The following SCN11A variants were observed in gnomAD, a reference collection of about 807,000 sequenced individuals.
SCN11A encodes sodium voltage-gated channel alpha subunit 11.
In SCN11A, 122 loss-of-function variants were observed where a neutral mutation model predicts 162.2. The observed-to-expected ratio is 0.75, with a 90% CI of 0.65 to 0.87. The LOEUF (loss-of-function observed/expected upper bound fraction) is 0.87, where lower values mean the gene tolerates loss of function less well. SCN11A is among the 40% of genes least tolerant of loss of function. The probability of loss-of-function intolerance (pLI) is 0.00; values close to 1 mark genes in which losing one functional copy is unlikely to be tolerated. For missense variants in SCN11A, 2,015 were observed against 2,181.6 expected (o/e 0.92, Z 1.52); for synonymous variants, 758 against 751.5 (o/e 1.01, Z -0.14).
chr3:38,994,566 A>G (rs2030552694), intron 2 of SCN11A, among the ~76,000 whole-genome samples: 1 of 152,142 alleles, frequency 6.6e-6, no homozygotes, highest in Non-Finnish European at 1.5e-5. Flanking sequence ...CATATCCATC[A>G]GAGATAAGCA....
intron 1 of SCN11A, among the ~76,000 whole-genome samples, chr3:39,038,141 A>G (rs758910313): frequency 2.6e-5 from 4 of 152,160 alleles, no homozygotes; most frequent in Non-Finnish European, 4.4e-5. Flanking sequence ...TTTTGTTGCA[A>G]TGCAAATTAT....
intron 23 of SCN11A, among the ~76,000 whole-genome samples, chr3:38,873,721 T>TATC (rs988066324): frequency 1.3e-5 from 2 of 152,178 alleles, no homozygotes; most frequent in African/African-American, 2.4e-5. Flanking sequence ...GACTTGCAGG[T>TATC]ATCAGTGAGA....
chr3:38,933,672 G>GA (rs2066281111), intron 7 of SCN11A, among the ~76,000 whole-genome samples: 1 of 152,108 alleles, frequency 6.6e-6, no homozygotes, highest in African/African-American at 2.4e-5. Flanking sequence ...GAAGTTTAGA[G>GA]AAAAAAGAAT....
At chr3:38,856,598 C>A (rs185684298) in intron 28 of SCN11A, among the ~76,000 whole-genome samples, 1 of 152,294 alleles carries the variant, frequency 6.6e-6, no homozygotes, top group African/African-American at 2.4e-5. Flanking sequence ...GGGACCTCAG[C>A]CCACTGTTGG....
rs371852759 is a variant in SCN11A, at chr3:38,867,345, G to A, written c.3927C>T (p.Asp1309=). The change falls in exon 27 of 30, where the codon GAC becomes GAT. Residue 1309 remains aspartate (D), a synonymous_variant. Coordinates refer to ENST00000302328, the MANE Select transcript of SCN11A (RefSeq NM_001349253.2). ...TLNLFIGVII[D]NFNQQQKKLG... is the part of the protein sequence containing the mutation. ...TCTTTTTCTGCTGTTGGTTGAAGTT[G>A]TCAATGATAACGCCAATGAAGAGAT... The A allele has an allele frequency of 1.2e-6, 2 of 1,613,166 alleles. No homozygotes were observed. Among genetic ancestry groups the A allele is most frequent in the African/African-American group, 2.7e-5 (2 of 74,882 alleles).
chr3:39,042,465 C>T (rs2032071481), intron 1 of SCN11A, among the ~76,000 whole-genome samples: 1 of 152,154 alleles, frequency 6.6e-6, no homozygotes, highest in African/African-American at 2.4e-5. Flanking sequence ...CAAGCACAAG[C>T]AACCAAAGCA....
chr3:38,874,486 T>C (rs2065178406), intron 23 of SCN11A, among the ~76,000 whole-genome samples: 1 of 152,240 alleles, frequency 6.6e-6, no homozygotes, highest in East Asian at 1.9e-4. Flanking sequence ...TAGTCCCAGC[T>C]ACTTAGGAGT....
chr3:38,851,291 TA>T (rs1158318582), intron 28 of SCN11A, among the ~76,000 whole-genome samples: 1 of 152,216 alleles, frequency 6.6e-6, no homozygotes, highest in Non-Finnish European at 1.5e-5. Context: ...ATGCCAATTT[TA>T]AAATTCTTGT....
chr3:38,926,367 C>A (rs936014128), intron 8 of SCN11A, among the ~76,000 whole-genome samples: 1 of 152,164 alleles, frequency 6.6e-6, no homozygotes, highest in Non-Finnish European at 1.5e-5. Context: ...TTCCTATATT[C>A]TCTGACAGCT....
At chr3:38,885,177 T>G in intron 21 of SCN11A, 111 bp downstream of exon 21, 1 of 660,730 alleles carries the variant, frequency 1.5e-6, no homozygotes, top group Non-Finnish European at 2.7e-6. Flanking sequence ...ATTGCTTTTG[T>G]CTCCAATAGA....
intron 9 of SCN11A, among the ~76,000 whole-genome samples, chr3:38,923,100 C>T (rs928420266): frequency 6.6e-6 from 1 of 152,176 alleles, no homozygotes; most frequent in Non-Finnish European, 1.5e-5. Flanking sequence ...ACCTTGGCTT[C>T]ATCCTGATCC....
intron 15 of SCN11A, 114 bp downstream of exon 15, chr3:38,905,078 G>A: frequency 7.5e-7 from 1 of 1,326,982 alleles, no homozygotes; most frequent in East Asian, 2.3e-5. Context: ...ATGGTACAGT[G>A]GGTTGGTTCC....
intron 2 of SCN11A, among the ~76,000 whole-genome samples, chr3:38,989,512 A>C (rs2125593676): frequency 6.7e-6 from 1 of 150,244 alleles, no homozygotes; most frequent in African/African-American, 2.5e-5. Context: ...CACATGACTT[A>C]CTCTAACTGC....
At chr3:38,993,153 C>T (rs1034022190) in intron 2 of SCN11A, among the ~76,000 whole-genome samples, 14 of 152,204 alleles carry the variant, frequency 9.2e-5, no homozygotes, top group African/African-American at 3.4e-4. Context: ...ACTGTGACTC[C>T]CAAGTGCTTG....
intron 7 of SCN11A, among the ~76,000 whole-genome samples, chr3:38,931,255 A>G (rs1201054593): frequency 6.6e-6 from 1 of 152,244 alleles, no homozygotes; most frequent in African/African-American, 2.4e-5. Flanking sequence ...GCCAGCCTTA[A>G]CCAGGTTCCA....
chr3:38,900,176 C>G, intron 16 of SCN11A, 103 bp from the exon 17 acceptor site: 1 of 844,974 alleles, frequency 1.2e-6, no homozygotes, highest in Non-Finnish European at 1.9e-6. Context: ...GAAAAGTATT[C>G]TCATGATTGA....
chr3:38,910,036 G>A (rs199976972), intron 12 of SCN11A, 30 bp downstream of exon 12: 3 of 1,602,648 alleles, frequency 1.9e-6, no homozygotes, highest in African/African-American at 1.3e-5. Context: ...GGGAGGGAGA[G>A]AGGAAAAAGA....
intron 2 of SCN11A, among the ~76,000 whole-genome samples, chr3:38,991,953 C>T (rs1453367432): frequency 1.3e-5 from 2 of 152,082 alleles, no homozygotes; most frequent in Admixed American, 6.5e-5. Flanking sequence ...GGATTACAGG[C>T]GTGCACCACC....
At chr3:38,922,888 T>C (rs2066076516) in intron 9 of SCN11A, among the ~76,000 whole-genome samples, 1 of 152,060 alleles carries the variant, frequency 6.6e-6, no homozygotes, top group Admixed American at 6.6e-5. Context: ...TCCCATGTCT[T>C]TTTACAGTTT....
Sources: gnomAD v4.1 joint callset for allele counts (sites outside exome capture counted in the v4.1 genomes callset) on GRCh38, gnomAD v4.1.1 for gene constraint, MANE v1.5 for transcripts, NCBI Gene and HGNC (gene_info 2026-07-23, HGNC 2026-07-21) for gene names.